The following ZFPM2 variants were observed in gnomAD, a reference collection of about 807,000 sequenced individuals.
ZFPM2 encodes the protein zinc finger protein ZFPM2.
In ZFPM2, 20 loss-of-function variants were observed where a neutral mutation model predicts 98.6. The ratio of observed to expected loss-of-function variants is 0.20; its 90% CI spans 0.14 to 0.29. The LOEUF (loss-of-function observed/expected upper bound fraction) is 0.29. ZFPM2 is among the 10% of genes least tolerant of loss of function. ZFPM2 has a pLI of 1.00. For missense variants in ZFPM2, 1,310 were observed against 1,388.6 expected, an observed-to-expected ratio of 0.94 and a Z score of 0.90; for synonymous variants, 518 against 502.7, an observed-to-expected ratio of 1.03 and a Z score of -0.41.
At chr8:105,433,932 TA>T (rs1159078519) in intron 2 of ZFPM2, among the ~76,000 whole-genome samples, 1 of 152,240 alleles carries the variant, frequency 6.6e-6, no homozygotes, top group Non-Finnish European at 1.5e-5. Flanking sequence ...TTGATCTGCT[TA>T]ATCTTTCATA....
intron 5 of ZFPM2, among the ~76,000 whole-genome samples, chr8:105,652,181 C>T (rs1817192579): frequency 6.6e-6 from 1 of 151,108 alleles, no homozygotes; most frequent in Non-Finnish European, 1.5e-5. Flanking sequence ...GTAACAGTGT[C>T]TGTTTCAGCT....
chr8:105,743,888 C>G lies in ZFPM2; in HGVS notation c.533-44830C>G, dbSNP rs147612304. Among the ~76,000 whole-genome samples the G allele has an allele frequency of 4.6e-5, 7 of 152,162 alleles. No homozygotes were observed. The East Asian group carries it at 1.2e-3, about 25-fold the overall frequency. On this transcript the variant is annotated intron_variant, in intron 5 of 7. Coordinates refer to ENST00000407775, the MANE Select transcript of ZFPM2 (RefSeq NM_012082.4). ...AGGTGTCACGTGTTCATAGATTTCT[C>G]TTATCACTCTTTATTTAGTTCAAAT...
chr8:105,695,774 T>C (rs1251572409), intron 5 of ZFPM2, among the ~76,000 whole-genome samples: 1 of 152,162 alleles, frequency 6.6e-6, no homozygotes, highest in East Asian at 1.9e-4. Flanking sequence ...ATATAGCGTA[T>C]ATTTTTACAT....
Position 105,551,209 on chromosome 8 carries a change from G to A in ZFPM2, c.302-10154G>A, listed in dbSNP as rs77181436. ...GCCACACTGTAAGAGAATTTAGTGC[G>A]TGGCACAGTTAACACTTTAATGTTT... On this transcript the variant is annotated intron_variant, in intron 3 of 7. Coordinates refer to ENST00000407775, the MANE Select transcript of ZFPM2 (RefSeq NM_012082.4). Among the ~76,000 whole-genome samples, 337 of 152,226 alleles carry A rather than the reference G, an allele frequency of 2.2e-3. 5 individuals carry two copies. In the East Asian group the frequency reaches 0.04, roughly 18 times the overall value.
intron 4 of ZFPM2, among the ~76,000 whole-genome samples, chr8:105,561,928 A>T (rs1815146536): frequency 6.6e-6 from 1 of 152,086 alleles, no homozygotes; most frequent in Non-Finnish European, 1.5e-5. Context: ...AATTTTTGTT[A>T]TTCAGCTTTT....
chr8:105,543,052 G>A (rs2130631358), intron 3 of ZFPM2, among the ~76,000 whole-genome samples: 1 of 152,174 alleles, frequency 6.6e-6, no homozygotes, highest in Non-Finnish European at 1.5e-5. Context: ...ACATTGAAAT[G>A]CATAATTAAA....
chr8:105,452,384 C>T (rs1812501997), intron 3 of ZFPM2, among the ~76,000 whole-genome samples: 1 of 152,082 alleles, frequency 6.6e-6, no homozygotes, highest in Non-Finnish European at 1.5e-5. Context: ...TTTAGAAAGA[C>T]ACTACGAGTC....
chr8:105,360,307 T>TTTTG (rs979850582), intron 1 of ZFPM2, among the ~76,000 whole-genome samples: 1 of 152,224 alleles, frequency 6.6e-6, no homozygotes, highest in Non-Finnish European at 1.5e-5. Flanking sequence ...TCTTTAACTT[T>TTTTG]TTTGTTTGTT....
intron 3 of ZFPM2, among the ~76,000 whole-genome samples, chr8:105,454,558 G>C (rs1812550949): frequency 6.6e-6 from 1 of 152,158 alleles, no homozygotes. Flanking sequence ...GGTGATTTAG[G>C]TGTTTCAGCC....
At chr8:105,400,649 T>C (rs1013369022) in intron 1 of ZFPM2, among the ~76,000 whole-genome samples, 1 of 152,330 alleles carries the variant, frequency 6.6e-6, no homozygotes, top group Admixed American at 6.5e-5. Context: ...TATGCACTTT[T>C]GGTATATATT....
intron 5 of ZFPM2, among the ~76,000 whole-genome samples, chr8:105,712,884 A>G (rs1811436964): frequency 6.6e-6 from 1 of 152,048 alleles, no homozygotes; most frequent in Non-Finnish European, 1.5e-5. Flanking sequence ...AAAGGACATG[A>G]TATCATTCTT....
chr8:105,371,754 G>C (rs1215891357), intron 1 of ZFPM2, among the ~76,000 whole-genome samples: 1 of 151,996 alleles, frequency 6.6e-6, no homozygotes, highest in Admixed American at 6.6e-5. Flanking sequence ...TATGAGACTA[G>C]ATTAGATTGT....
chr8:105,593,822 TAA>T (rs113966824), intron 4 of ZFPM2, among the ~76,000 whole-genome samples: 1 of 151,338 alleles, frequency 6.6e-6, no homozygotes, highest in Non-Finnish European at 1.5e-5. Flanking sequence ...ATTTTTCAAG[TAA>T]AAAAAAATCC....
At chr8:105,562,866 A>G (rs1030384878) in intron 4 of ZFPM2, among the ~76,000 whole-genome samples, 1 of 152,206 alleles carries the variant, frequency 6.6e-6, no homozygotes, top group African/African-American at 2.4e-5. Flanking sequence ...CGCAAGTTCT[A>G]GAGGTCAGGA....
chr8:105,360,262 T>G (rs1202722115), intron 1 of ZFPM2, among the ~76,000 whole-genome samples: 2 of 152,200 alleles, frequency 1.3e-5, no homozygotes, highest in Admixed American at 6.5e-5. Flanking sequence ...AGTTGTAATC[T>G]TGGACTTTAA....
chr8:105,692,735 G>A (rs1282631060), intron 5 of ZFPM2, among the ~76,000 whole-genome samples: 1 of 152,142 alleles, frequency 6.6e-6, no homozygotes, highest in Non-Finnish European at 1.5e-5. Flanking sequence ...ATAAAAACAG[G>A]ACAAAACCAC....
chr8:105,458,544 A>G (rs1812642801), intron 3 of ZFPM2, among the ~76,000 whole-genome samples: 2 of 152,234 alleles, frequency 1.3e-5, no homozygotes, highest in Non-Finnish European at 2.9e-5. Context: ...AGACAAATAT[A>G]TTCTATCAGG....
intron 4 of ZFPM2, among the ~76,000 whole-genome samples, chr8:105,569,396 G>A (rs1815309117): frequency 6.6e-6 from 1 of 152,108 alleles, no homozygotes; most frequent in Non-Finnish European, 1.5e-5. Flanking sequence ...ATCCATGTCT[G>A]TTTCGTCTGT....
At chr8:105,706,590 G>T (rs528198209) in intron 5 of ZFPM2, among the ~76,000 whole-genome samples, 3 of 151,626 alleles carry the variant, frequency 2.0e-5, no homozygotes, top group Non-Finnish European at 2.9e-5. Context: ...TTGTTTTTGG[G>T]TTTTTTTTGG....
Sources: allele counts gnomAD v4.1 joint callset (sites outside exome capture counted in the v4.1 genomes callset), GRCh38; gene constraint gnomAD v4.1.1; transcripts MANE v1.5; gene names NCBI Gene and HGNC (gene_info 2026-07-23, HGNC 2026-07-21).